Variants in GRAMD1B observed in about 807,000 individuals in gnomAD.
GRAMD1B encodes the protein GRAM domain containing 1B.
Under a neutral mutation model 99.7 loss-of-function variants are expected in GRAMD1B, and 37 were observed. The observed-to-expected ratio is 0.37, with a 90% confidence interval of 0.29 to 0.49. GRAMD1B has a LOEUF of 0.49. Ranked by LOEUF, GRAMD1B falls within the 20% of genes least tolerant of loss-of-function variation. The pLI is 0.98. For missense variants in GRAMD1B, 888 were observed against 1,009.2 expected, an observed-to-expected ratio of 0.88 and a Z score of 1.63; for synonymous variants, 427 against 387.6, an observed-to-expected ratio of 1.10 and a Z score of -1.19.
At chr11:123,458,453 C>A (rs1240419924) in intron 1 of GRAMD1B, 1 of 152,262 alleles carries the variant, frequency 6.6e-6, no homozygotes, top group African/African-American at 2.4e-5. Flanking sequence ...TCCACTCAGA[C>A]TCACATGCTG....
intron 1 of GRAMD1B, chr11:123,435,590 C>T: frequency 1.6e-6 from 1 of 624,618 alleles, no homozygotes; most frequent in Non-Finnish European, 2.9e-6. Context: ...TACTCCAAGA[C>T]CAATCATGTT....
chr11:123,550,099 T>C (rs558406448), intron 2 of GRAMD1B, among the ~76,000 whole-genome samples: 1 of 152,196 alleles, frequency 6.6e-6, no homozygotes, highest in African/African-American at 2.4e-5. Context: ...GAAAGAGAAA[T>C]AGGGGAAGTT....
intron 1 of GRAMD1B, among the ~76,000 whole-genome samples, chr11:123,477,163 CTTCT>C (rs796728255): frequency 2.0e-3 from 306 of 151,210 alleles, no homozygotes; most frequent in African/African-American, 6.3e-3. Flanking sequence ...TTCTTTCCTC[CTTCT>C]TTCTTTCTTT....
chr11:123,502,042 A>C (rs1376576533), intron 2 of GRAMD1B, among the ~76,000 whole-genome samples: 1 of 152,178 alleles, frequency 6.6e-6, no homozygotes, highest in East Asian at 1.9e-4. Context: ...TCCTGGGCTC[A>C]CCAGCATCCC....
intron 1 of GRAMD1B, among the ~76,000 whole-genome samples, chr11:123,438,303 C>T (rs182627981): frequency 1.2e-3 from 179 of 152,272 alleles, no homozygotes; most frequent in African/African-American, 4.2e-3. Context: ...GTCCTAATTC[C>T]AAAGCCTGAG....
At chr11:123,466,813 A>G (rs944971681) in intron 1 of GRAMD1B, among the ~76,000 whole-genome samples, 1 of 152,204 alleles carries the variant, frequency 6.6e-6, no homozygotes, top group African/African-American at 2.4e-5. Context: ...AGGTTTAGTA[A>G]GGGATCTGGT....
intron 2 of GRAMD1B, among the ~76,000 whole-genome samples, chr11:123,521,875 G>C (rs1942223423): frequency 6.6e-6 from 1 of 152,078 alleles, no homozygotes; most frequent in African/African-American, 2.4e-5. Flanking sequence ...CTGAAGCCCA[G>C]TTTCACTATT....
intron 4 of GRAMD1B, 70 bp from the exon 5 acceptor site, chr11:123,594,012 C>T: frequency 9.7e-7 from 1 of 1,030,298 alleles, no homozygotes; most frequent in South Asian, 1.3e-5. Context: ...AAGTGCTCCT[C>T]ATCTTGCCCT....
chr11:123,375,881 T>C (rs1345104284), intron 1 of GRAMD1B, among the ~76,000 whole-genome samples: 1 of 152,218 alleles, frequency 6.6e-6, no homozygotes, highest in Non-Finnish European at 1.5e-5. Context: ...AGATATTTAC[T>C]GAGCGCCTGC....
intron 2 of GRAMD1B, among the ~76,000 whole-genome samples, chr11:123,542,900 C>T (rs561372716): frequency 5.7e-4 from 87 of 152,244 alleles, no homozygotes; most frequent in African/African-American, 2.0e-3. Flanking sequence ...GTGATCCACT[C>T]GCCTCAGCCT....
At chr11:123,560,941 G>C (rs2136001000) in intron 2 of GRAMD1B, among the ~76,000 whole-genome samples, 1 of 152,230 alleles carries the variant, frequency 6.6e-6, no homozygotes, top group East Asian at 1.9e-4. Flanking sequence ...TTCTGTTCTG[G>C]GGATCCGAAA....
intron 1 of GRAMD1B, among the ~76,000 whole-genome samples, chr11:123,419,680 G>C (rs73606002): frequency 0.023 from 3,422 of 150,432 alleles, 130 homozygotes; most frequent in African/African-American, 0.078. Flanking sequence ...GTGCAAGAAG[G>C]GAGTCGGGGA....
At chr11:123,362,327 A>G (rs1483025162) in intron 1 of GRAMD1B, among the ~76,000 whole-genome samples, 1 of 152,066 alleles carries the variant, frequency 6.6e-6, no homozygotes, top group East Asian at 1.9e-4. Flanking sequence ...AAATGGTGAG[A>G]CCTTTTTGAG....
rs140913261 is a variant in GRAMD1B, at chr11:123,430,986, C to T, written c.194C>T (p.Pro65Leu). 1.4e-3 allele frequency: 963 copies of T among 702,918 alleles called. 5 individuals are homozygous for T. The highest frequency in any genetic ancestry group is 1.6e-3 in the South Asian group (106 of 67,598). The allele number at this position is 702,918 out of a possible 1,614,324, so 43.5% of individuals were successfully genotyped here. A position where few individuals can be genotyped will look rare whatever the true frequency, so the allele number is the denominator to read the frequency against. Residue 65 changes from proline (P) to leucine (L), a missense_variant, in exon 1 of 20, where the codon CCC becomes CTC. Around this residue, in one of 5 missense-constraint regions of GRAMD1B, gnomAD observed 233 missense variants for 154.6 expected, o/e 1.51. Transcript: ENST00000635736. ...SLEAGLARDL[P>L]AVLAPGKEFL... ...GAGGCCGGGCTGGCCCGGGACCTGC[C>T]CGCCGTCTTGGCCCCCGGCAAGGAG...
chr11:123,406,718 C>T (rs1947869233), intron 1 of GRAMD1B, among the ~76,000 whole-genome samples: 1 of 152,302 alleles, frequency 6.6e-6, no homozygotes, highest in South Asian at 2.1e-4. Context: ...CCAGCCCTCA[C>T]ATTTTATATT....
At chr11:123,431,245 G>C (rs1948873037) in intron 1 of GRAMD1B, 79 bp downstream of exon 1, 1 of 613,960 alleles carries the variant, frequency 1.6e-6, no homozygotes, top group African/African-American at 1.8e-5. Context: ...GGCATTCTGG[G>C]GGAAACGTCC....
chr11:123,456,593 C>T (rs551218142), intron 1 of GRAMD1B, among the ~76,000 whole-genome samples: 3 of 151,830 alleles, frequency 2.0e-5, no homozygotes, highest in Admixed American at 1.3e-4. Context: ...TGGGCAATGT[C>T]ATGAGACCTC....
intron 19 of GRAMD1B, chr11:123,619,632 C>T (rs1954872256): frequency 4.9e-6 from 2 of 408,796 alleles, no homozygotes; most frequent in Non-Finnish European, 6.6e-6. Context: ...CCTCCTCTGA[C>T]AGTCAGTGGC....
chr11:123,586,351 T>C (rs963639194), intron 4 of GRAMD1B, among the ~76,000 whole-genome samples: 1 of 152,162 alleles, frequency 6.6e-6, no homozygotes, highest in Non-Finnish European at 1.5e-5. Context: ...TTGTCCTGCC[T>C]CTTCCTCTAT....
Sources: gnomAD v4.1 joint callset for allele counts (sites outside exome capture counted in the v4.1 genomes callset) on GRCh38, gnomAD v4.1.1 for gene constraint, gnomAD v4.1.1 regional missense constraint, MANE v1.5 for transcripts, NCBI Gene and HGNC (gene_info 2026-07-23, HGNC 2026-07-21) for gene names.